Variants in KSR2 observed in about 807,000 individuals in gnomAD.
KSR2 encodes the protein kinase suppressor of ras 2.
In KSR2, 25 loss-of-function variants were observed where a neutral mutation model predicts 107.8. The observed-to-expected ratio is 0.23, with a 90% CI of 0.17 to 0.32. The LOEUF (loss-of-function observed/expected upper bound fraction) is 0.32, where lower values mean the gene tolerates loss of function less well. Ranked by LOEUF, KSR2 falls within the 10% of genes least tolerant of loss-of-function variation. The pLI is 1.00. For synonymous variants in KSR2, 480 were observed against 507.0 expected, an observed-to-expected ratio of 0.95 and a Z score of 0.71; for missense variants, 887 against 1,268.9, an observed-to-expected ratio of 0.70 and a Z score of 4.57.
chr12:117,685,253 A>C (rs1027347888), intron 4 of KSR2, among the ~76,000 whole-genome samples: 1 of 152,118 alleles, frequency 6.6e-6, no homozygotes, highest in African/African-American at 2.4e-5. Flanking sequence ...TTAGTGACTA[A>C]TCTTATTTTT....
intron 7 of KSR2, among the ~76,000 whole-genome samples, chr12:117,564,124 C>T (rs141532163): frequency 6.6e-6 from 1 of 152,166 alleles, no homozygotes; most frequent in Non-Finnish European, 1.5e-5. Context: ...GCTCCATTCC[C>T]GAAGGAGGAA....
chr12:117,709,385 G>A (rs1886659035), intron 4 of KSR2, among the ~76,000 whole-genome samples: 1 of 152,138 alleles, frequency 6.6e-6, no homozygotes, highest in African/African-American at 2.4e-5. Context: ...CCAAGCTGGA[G>A]TGCAGTGGTG....
At chr12:117,738,768 A>C (rs1453896811) in intron 4 of KSR2, among the ~76,000 whole-genome samples, 4 of 152,158 alleles carry the variant, frequency 2.6e-5, no homozygotes, top group African/African-American at 9.7e-5. Context: ...TCAGCTACTC[A>C]GGAGGCTGAA....
intron 4 of KSR2, among the ~76,000 whole-genome samples, chr12:117,748,462 AT>A (rs1173149138): frequency 3.9e-5 from 6 of 152,240 alleles, no homozygotes; most frequent in Middle Eastern, 3.2e-3. Context: ...TCACAAAAAA[AT>A]AATAAGTATG....
At chr12:117,594,244 T>C (rs1191135463) in intron 5 of KSR2, among the ~76,000 whole-genome samples, 5 of 152,168 alleles carry the variant, frequency 3.3e-5, no homozygotes, top group Admixed American at 2.0e-4. Flanking sequence ...ATTTACTGCC[T>C]GGATGGACTG....
At chr12:117,470,455 A>G (rs1335240008) in intron 18 of KSR2, among the ~76,000 whole-genome samples, 1 of 152,180 alleles carries the variant, frequency 6.6e-6, no homozygotes, top group East Asian at 1.9e-4. Context: ...TTCTGAGCCC[A>G]AATAACAACC....
chr12:117,886,656 T>A (rs1894186542), intron 1 of KSR2, among the ~76,000 whole-genome samples: 1 of 152,136 alleles, frequency 6.6e-6, no homozygotes, highest in South Asian at 2.1e-4. Flanking sequence ...CGTATCCCCG[T>A]CATTTAGCGA....
In KSR2 at chr12:117,611,445, G is replaced by GACACACACACACACACACACGC. The variant is rs6144887; in HGVS notation, c.1172-29087_1172-29086insGCGTGTGTGTGTGTGTGTGTGT. Among the ~76,000 whole-genome samples, 7 of 144,500 alleles carry GACACACACACACACACACACGC rather than the reference G, an allele frequency of 4.8e-5. No homozygotes were observed. The East Asian group carries it at 8.6e-4, about 18-fold the overall frequency. 94.8% of individuals were successfully genotyped at this position (144,500 alleles called of 152,430 possible). On this transcript the variant is annotated intron_variant, in intron 5 of 19. Transcript: ENST00000339824. ...ACTTGAAAAGGCACATGCACGCACA[G>GACACACACACACACACACACGC]ACACACACACACACACACGTGTATC...
At chr12:117,598,541 AC>A (rs1880767011) in intron 5 of KSR2, among the ~76,000 whole-genome samples, 1 of 152,092 alleles carries the variant, frequency 6.6e-6, no homozygotes, top group Non-Finnish European at 1.5e-5. Flanking sequence ...GAATCTCCTT[AC>A]TGTTTTCCCT....
At chr12:117,606,377 C>G (rs1353838285) in intron 5 of KSR2, among the ~76,000 whole-genome samples, 1 of 92,472 alleles carries the variant, frequency 1.1e-5, no homozygotes, top group East Asian at 3.7e-4. Flanking sequence ...TCCTCCCTCC[C>G]TCCCCTCCTT....
At position 117,705,453 on chromosome 12, in the gene KSR2, C is replaced by G. The variant is rs113493977; in HGVS notation, c.987-37795G>C. ...GTTCAGAGACACCCTTTCCTCACCC[C>G]ACTAGGCACAGTGGCAGGTGCACTG... is the stretch of plus-strand genomic sequence containing the variant. On this transcript the variant is annotated intron_variant, in intron 4 of 19. Coordinates refer to ENST00000339824, the MANE Select transcript of KSR2 (RefSeq NM_173598.6). Among the ~76,000 whole-genome samples, 169 of 152,338 alleles carry G rather than the reference C, an allele frequency of 1.1e-3. 1 individual carries two copies. Among genetic ancestry groups the G allele is most frequent in the African/African-American group, 3.8e-3 (160 of 41,572 alleles).
chr12:117,630,582 G>T (rs1352039939), intron 5 of KSR2, among the ~76,000 whole-genome samples: 1 of 152,116 alleles, frequency 6.6e-6, no homozygotes, highest in Non-Finnish European at 1.5e-5. Context: ...AGATCTCGTT[G>T]TCTGCAGAGT....
intron 6 of KSR2, among the ~76,000 whole-genome samples, chr12:117,581,137 C>T (rs554771248): frequency 9.7e-4 from 148 of 152,334 alleles, no homozygotes; most frequent in African/African-American, 3.5e-3. Flanking sequence ...TAACAACTAT[C>T]CTGTCAACAT....
intron 5 of KSR2, among the ~76,000 whole-genome samples, chr12:117,641,594 C>T (rs1276623259): frequency 2.0e-5 from 3 of 152,122 alleles, no homozygotes; most frequent in African/African-American, 7.2e-5. Flanking sequence ...GAATTAAAGG[C>T]CCGCCCTACT....
At chr12:117,480,028 ATGTGTGTGTGTG>A (rs55877244) in intron 16 of KSR2, among the ~76,000 whole-genome samples, 2 of 148,538 alleles carry the variant, frequency 1.3e-5, no homozygotes, top group African/African-American at 5.0e-5. Context: ...ACACATGTGT[ATGTGTGTGTGTG>A]TGTGTGTGTG....
chr12:117,746,606 T>C (rs1160779953), intron 4 of KSR2, among the ~76,000 whole-genome samples: 1 of 152,168 alleles, frequency 6.6e-6, no homozygotes, highest in East Asian at 1.9e-4. Context: ...CTAAAGAGCT[T>C]CTGCACAGCA....
rs991390228 is a variant in KSR2, at chr12:117,842,698, G to A, written c.472+12730C>T. On this transcript the variant is annotated intron_variant, in intron 3 of 19. Coordinates refer to ENST00000339824, the MANE Select transcript of KSR2 (RefSeq NM_173598.6). This position sits in a 1 kb window ranked among gnomAD's most constrained non-coding sequence, Gnocchi z 4.2. Reference sequence around the variant, plus strand: ...GATCAGAGATGACAGCCAGAGAGTCGGGTTCTCTTTGTTCTCATTGGGGGG... The same window carrying A: ...GATCAGAGATGACAGCCAGAGAGTCAGGTTCTCTTTGTTCTCATTGGGGGG... 3.3e-5 allele frequency among the ~76,000 whole-genome samples: 5 copies of A among 152,116 alleles called. No individual in the cohort carries two copies. Among genetic ancestry groups the A allele is most frequent in the Admixed American group, 6.6e-5 (1 of 15,262 alleles).
rs1264493929 is a variant in KSR2 at position 117,606,456 on chromosome 12, C to T, written c.1172-24097G>A. On this transcript the variant is annotated intron_variant, in intron 5 of 19. Coordinates refer to ENST00000339824, the MANE Select transcript of KSR2 (RefSeq NM_173598.6). ...CCCTCCCTCCCCTCCTTCCTCCCTC[C>T]CTCCCCTCCTTCCTCCCTCCCTCCT... is the stretch of plus-strand genomic sequence containing the variant. Among the ~76,000 whole-genome samples the T allele has an allele frequency of 3.1e-4, 29 of 93,386 alleles. 1 individual carries two copies. Among genetic ancestry groups the T allele is most frequent in the Non-Finnish European group, 4.4e-4 (20 of 45,118 alleles). The allele number at this position is 93,386 out of a possible 152,430, so 61.3% of individuals were successfully genotyped here.
rs577282712 is a variant in KSR2 at position 117,612,398 on chromosome 12, G to A, written c.1172-30039C>T. ...CAGCCTGGCGACAGAGCAAGTCTCC[G>A]TCTCAAAAACAAAAAAAAGGTAAAT... On this transcript the variant is annotated intron_variant, in intron 5 of 19. Transcript: ENST00000339824. 1.8e-3 allele frequency among the ~76,000 whole-genome samples: 256 copies of A among 145,144 alleles called. 5 individuals are homozygous for A. The highest frequency in any genetic ancestry group is 6.0e-3 in the African/African-American group (226 of 37,480).
Sources: allele counts gnomAD v4.1 joint callset (sites outside exome capture counted in the v4.1 genomes callset), GRCh38; gene constraint gnomAD v4.1.1; non-coding constraint Gnocchi (gnomAD v3.1); transcripts MANE v1.5; gene names NCBI Gene and HGNC (gene_info 2026-07-23, HGNC 2026-07-21).